The following MAGI2 variants were observed in gnomAD, a reference collection of about 807,000 sequenced individuals.
The protein encoded by MAGI2 is membrane associated guanylate kinase, WW and PDZ domain containing 2, also known as membrane-associated guanylate kinase, WW and PDZ domain-containing protein 2.
Under a neutral mutation model 133.3 loss-of-function variants are expected in MAGI2, and 35 were observed. The observed-to-expected ratio is 0.26, with a 90% CI of 0.20 to 0.35. The LOEUF (loss-of-function observed/expected upper bound fraction) is 0.35. Among genes scored for constraint, MAGI2 ranks in the 10% least tolerant of loss-of-function variants. The pLI is 1.00. For synonymous variants in MAGI2, 729 were observed against 710.6 expected (o/e 1.03, Z -0.41); for missense variants, 1,636 against 1,863.4 (o/e 0.88, Z 2.25).
Position 79,303,996 on chromosome 7 carries a change from G to T in MAGI2, c.301+149024C>A, listed in dbSNP as rs553337155. ...GTATATATGATAGTCAACAAAATTG[G>T]TCCGGAAGATTGGCCTTCTTGGCAG... is the stretch of plus-strand genomic sequence containing the variant. On this transcript the variant is annotated intron_variant, in intron 1 of 21. Transcript: ENST00000354212. Among the ~76,000 whole-genome samples, 3 of 152,150 alleles carry T rather than the reference G, an allele frequency of 2.0e-5. No homozygotes were observed. In the East Asian group the frequency reaches 5.8e-4, roughly 29 times the overall value.
rs1214510373 is a variant in MAGI2 at position 78,417,815 on chromosome 7, A to T, written c.1046-48602T>A. Among the ~76,000 whole-genome samples the T allele has an allele frequency of 2.0e-5, 3 of 152,270 alleles. No homozygotes were observed. The East Asian group carries it at 5.8e-4, about 29-fold the overall frequency. On this transcript the variant is annotated intron_variant, in intron 6 of 21. Transcript: ENST00000354212. ...GGTAGAGTTTAGATTCAACACTTTC[A>T]CATTTTACCCATTCTAAGGTGAATT...
intron 2 of MAGI2, among the ~76,000 whole-genome samples, chr7:78,931,997 G>GAA (rs1563678345): frequency 1.6e-5 from 2 of 125,338 alleles, no homozygotes; most frequent in African/African-American, 6.2e-5. Flanking sequence ...CAAAAGGAAG[G>GAA]CAAAAAAAAA....
chr7:78,053,508 T>C (rs1812237517), intron 21 of MAGI2, among the ~76,000 whole-genome samples: 5 of 152,242 alleles, frequency 3.3e-5, no homozygotes, highest in Admixed American at 2.6e-4. Flanking sequence ...GGAATATGCA[T>C]ATATTTGAAG....
intron 10 of MAGI2, among the ~76,000 whole-genome samples, chr7:78,214,273 T>G (rs1788054155): frequency 6.6e-6 from 1 of 152,250 alleles, no homozygotes; most frequent in Non-Finnish European, 1.5e-5. Flanking sequence ...ATCCCAAGTA[T>G]GTTTTCTGAG....
chr7:78,629,525 TCTTC>T (rs968886611), intron 2 of MAGI2, among the ~76,000 whole-genome samples: 11 of 152,178 alleles, frequency 7.2e-5, no homozygotes, highest in African/African-American at 2.4e-4. Flanking sequence ...AACCAGAATC[TCTTC>T]CTTCCTTTAG....
At position 78,435,374 on chromosome 7, in the gene MAGI2, G is replaced by A. The variant is rs373306755; in HGVS notation, c.1045+54387C>T. 7.7e-4 allele frequency among the ~76,000 whole-genome samples: 117 copies of A among 152,186 alleles called. 2 individuals carry two copies. In the South Asian group the frequency reaches 0.023, roughly 29 times the overall value. On this transcript the variant is annotated intron_variant, in intron 6 of 21. Transcript: ENST00000354212. ...TCAAGTTGTTAACCTCACTCTTCAC[G>A]TCTGTGAAGGACACTGCCTTCCTTT...
intron 2 of MAGI2, among the ~76,000 whole-genome samples, chr7:78,966,186 G>C (rs1006225980): frequency 3.9e-5 from 6 of 152,080 alleles, no homozygotes; most frequent in African/African-American, 1.4e-4. Flanking sequence ...ATTGTGGTAA[G>C]AATGTTTACC....
At chr7:78,968,787 A>C (rs184568693) in intron 2 of MAGI2, among the ~76,000 whole-genome samples, 81 of 152,192 alleles carry the variant, frequency 5.3e-4, no homozygotes, top group African/African-American at 1.7e-3. Flanking sequence ...TAGTTTATTG[A>C]GACAGGTGGT....
At chr7:78,635,783 A>G (rs1293294537) in intron 2 of MAGI2, among the ~76,000 whole-genome samples, 1 of 152,214 alleles carries the variant, frequency 6.6e-6, no homozygotes, top group Non-Finnish European at 1.5e-5. Flanking sequence ...TAAGAACACA[A>G]TCATCAGATT....
intron 1 of MAGI2, among the ~76,000 whole-genome samples, chr7:79,131,220 T>C (rs1183521835): frequency 1.3e-5 from 2 of 152,216 alleles, no homozygotes; most frequent in Non-Finnish European, 1.5e-5. Flanking sequence ...CTGTTCATAC[T>C]GTTCTTTCTC....
At chr7:79,238,819 T>C (rs1444068630) in intron 1 of MAGI2, among the ~76,000 whole-genome samples, 1 of 152,178 alleles carries the variant, frequency 6.6e-6, no homozygotes, top group South Asian at 2.1e-4. Context: ...TATTTTCTTT[T>C]AAGGTATTAC....
chr7:79,022,855 C>A (rs951134533), intron 1 of MAGI2, among the ~76,000 whole-genome samples: 2 of 152,036 alleles, frequency 1.3e-5, no homozygotes, highest in African/African-American at 4.8e-5. Context: ...TTGAATCAGT[C>A]ATAGAAAGCC....
chr7:78,512,130 A>T (rs1363504566), intron 4 of MAGI2, among the ~76,000 whole-genome samples: 2 of 148,756 alleles, frequency 1.3e-5, no homozygotes, highest in African/African-American at 5.0e-5. Flanking sequence ...CTCAAAAAAA[A>T]TAAATTAAAA....
At chr7:78,124,312 G>A (rs1426701867) in intron 20 of MAGI2, among the ~76,000 whole-genome samples, 1 of 152,222 alleles carries the variant, frequency 6.6e-6, no homozygotes, top group Non-Finnish European at 1.5e-5. Flanking sequence ...AGGGCTAGAC[G>A]GGGTAAGAGG....
intron 6 of MAGI2, among the ~76,000 whole-genome samples, chr7:78,374,061 T>C (rs566990965): frequency 6.6e-6 from 1 of 152,168 alleles, no homozygotes; most frequent in Admixed American, 6.5e-5. Flanking sequence ...AGCAAAAATA[T>C]GTGAGTGCGT....
intron 1 of MAGI2, among the ~76,000 whole-genome samples, chr7:79,359,669 A>AAC (rs59414419): frequency 0.051 from 7,166 of 139,982 alleles, 233 homozygotes; most frequent in African/African-American, 0.092. Context: ...TCAAGTGGGA[A>AAC]ACACACACAC....
chr7:78,597,631 G>A (rs370171685), intron 3 of MAGI2, among the ~76,000 whole-genome samples: 6 of 152,110 alleles, frequency 3.9e-5, no homozygotes, highest in South Asian at 2.1e-4. Context: ...GTAGACTCTC[G>A]AGATACATAA....
At chr7:78,415,688 C>T (rs968909121) in intron 6 of MAGI2, among the ~76,000 whole-genome samples, 24 of 152,196 alleles carry the variant, frequency 1.6e-4, no homozygotes, top group African/African-American at 5.8e-4. Context: ...TCCTCAGCTT[C>T]ACACAGAAGA....
intron 1 of MAGI2, among the ~76,000 whole-genome samples, chr7:79,441,757 T>A (rs1168398779): frequency 6.6e-6 from 1 of 152,170 alleles, no homozygotes; most frequent in Non-Finnish European, 1.5e-5. Flanking sequence ...CTTTACATTT[T>A]TGATTTCTCA....
Sources: gnomAD v4.1 joint callset for allele counts (sites outside exome capture counted in the v4.1 genomes callset) on GRCh38, gnomAD v4.1.1 for gene constraint, MANE v1.5 for transcripts, NCBI Gene and HGNC (gene_info 2026-07-23, HGNC 2026-07-21) for gene names.